Variants in SETBP1 observed in about 807,000 individuals in gnomAD.
SETBP1 encodes SET binding protein 1, also known as SET-binding protein.
SETBP1 carries 9 observed loss-of-function variants against 101.0 expected under a neutral mutation model. The ratio of observed to expected loss-of-function variants is 0.09; its 90% CI spans 0.05 to 0.16. The LOEUF (loss-of-function observed/expected upper bound fraction) is 0.16. SETBP1 is among the 10% of genes least tolerant of loss of function. The pLI is 1.00. For missense variants in SETBP1, 1,858 were observed against 2,033.8 expected, an observed-to-expected ratio of 0.91 and a Z score of 1.66; for synonymous variants, 818 against 788.5, an observed-to-expected ratio of 1.04 and a Z score of -0.63.
rs145656108 is a variant in SETBP1 at position 44,950,996 on chromosome 18, T to G, written c.1656T>G (p.Asp552Glu). 4 of 1,614,094 alleles carry G rather than the reference T, an allele frequency of 2.5e-6. No individual in the cohort carries two copies. Among genetic ancestry groups the G allele is most frequent in the Non-Finnish European group, 1.7e-6 (2 of 1,180,036 alleles). ...MLREAVMATS[D>E]KLMLEPPSAY... ...GAGAGGCAGTTATGGCCACCTCTGA[T>G]AAACTGATGCTGGAGCCCCCGTCTG... The change falls in exon 4 of 6, where the codon GAT becomes GAG. Residue 552 changes from aspartate to glutamate, a missense_variant. By Grantham distance (45) the Asp-to-Glu change is conservative (BLOSUM62 2). Coordinates refer to ENST00000649279, the MANE Select transcript of SETBP1 (RefSeq NM_015559.3).
intron 2 of SETBP1, among the ~76,000 whole-genome samples, chr18:44,829,916 G>A (rs566982766): frequency 6.6e-6 from 1 of 152,224 alleles, no homozygotes; most frequent in East Asian, 1.9e-4. Flanking sequence ...AGACTTGATG[G>A]GTTCTAAATA....
chr18:44,858,950 G>A (rs1175441544), intron 2 of SETBP1, among the ~76,000 whole-genome samples: 4 of 151,580 alleles, frequency 2.6e-5, no homozygotes, highest in African/African-American at 9.7e-5. Flanking sequence ...TCCCATTATT[G>A]GTTACCATCT....
At chr18:44,706,008 G>T (rs573066658) in intron 2 of SETBP1, among the ~76,000 whole-genome samples, 1 of 152,256 alleles carries the variant, frequency 6.6e-6, no homozygotes, top group South Asian at 2.1e-4. Context: ...GAGGGCCTAT[G>T]ATGGATTTAC....
At chr18:44,740,945 CGGAAATAT>C (rs1202812657) in intron 2 of SETBP1, among the ~76,000 whole-genome samples, 4 of 152,078 alleles carry the variant, frequency 2.6e-5, no homozygotes, top group Non-Finnish European at 5.9e-5. Context: ...TCAGTTCTCT[CGGAAATAT>C]GGAGGCCTGC....
chr18:44,761,913 T>G (rs1187542537), intron 2 of SETBP1, among the ~76,000 whole-genome samples: 1 of 152,206 alleles, frequency 6.6e-6, no homozygotes, highest in Non-Finnish European at 1.5e-5. Flanking sequence ...GACTCAGGCC[T>G]TCTGACTCCT....
Position 44,786,333 on chromosome 18 carries a change from T to C in SETBP1, c.487-82897T>C, listed in dbSNP as rs752536397. On this transcript the variant is annotated intron_variant, in intron 2 of 5. Coordinates refer to ENST00000649279, the MANE Select transcript of SETBP1 (RefSeq NM_015559.3). ...CACCCCAGGCTTTTTGGTTTAATATTGACAACAGCCCAGATTTAGTCCTAA... is the reference window on the plus strand; with the variant it reads ...CACCCCAGGCTTTTTGGTTTAATATCGACAACAGCCCAGATTTAGTCCTAA... 2.4e-4 allele frequency among the ~76,000 whole-genome samples: 36 copies of C among 152,334 alleles called. 1 individual carries two copies. The highest frequency in any genetic ancestry group is 4.4e-4 in the Non-Finnish European group (30 of 68,034).
At chr18:44,792,879 C>T (rs2071397314) in intron 2 of SETBP1, among the ~76,000 whole-genome samples, 2 of 152,008 alleles carry the variant, frequency 1.3e-5, no homozygotes, top group Non-Finnish European at 2.9e-5. Flanking sequence ...AAAAGTTTAT[C>T]CCAGGGAAGC....
At chr18:44,724,555 A>T (rs1250843429) in intron 2 of SETBP1, among the ~76,000 whole-genome samples, 1 of 152,184 alleles carries the variant, frequency 6.6e-6, no homozygotes, top group African/African-American at 2.4e-5. Context: ...CAGATAAGCA[A>T]ATCTCAGAAG....
chr18:45,045,119 T>C (rs2073584219), intron 5 of SETBP1, among the ~76,000 whole-genome samples: 1 of 141,400 alleles, frequency 7.1e-6, no homozygotes, highest in African/African-American at 2.6e-5. Context: ...CCGTCTTTAC[T>C]AAAAAAAAAA....
At position 44,951,890 on chromosome 18, in the gene SETBP1, A is replaced by T; in HGVS notation, c.2550A>T (p.Glu850Asp). The change falls in exon 4 of 6, where the codon GAA becomes GAT. Residue 850 changes from glutamate (E) to aspartate (D), a missense_variant. Transcript: ENST00000649279. The surrounding 1 kb of genome is among the most constrained non-coding windows in gnomAD (Gnocchi z 7.8). ...SHLCEIGSLK[E>D]ITLSPVSESH... ...TGTGCGAGATTGGCTCCCTAAAGGA[A>T]ATCACGCTGTCCCCTGTGAGCGAGT... 1 of 1,614,024 alleles carries T rather than the reference A, an allele frequency of 6.2e-7. No homozygotes were observed. Among genetic ancestry groups the T allele is most frequent in the Non-Finnish European group, 8.5e-7 (1 of 1,180,016 alleles).
chr18:44,801,625 C>T (rs186197793), intron 2 of SETBP1, among the ~76,000 whole-genome samples: 5 of 152,134 alleles, frequency 3.3e-5, no homozygotes, highest in Non-Finnish European at 7.4e-5. Flanking sequence ...TGTTTCTCAA[C>T]ATTGGGACCA....
At chr18:44,737,054 A>G (rs543383865) in intron 2 of SETBP1, among the ~76,000 whole-genome samples, 3 of 152,354 alleles carry the variant, frequency 2.0e-5, no homozygotes, top group East Asian at 3.9e-4. Flanking sequence ...AAAAGAATAA[A>G]TGATGAATGA....
chr18:44,938,712 G>T (rs1000918054), intron 3 of SETBP1, among the ~76,000 whole-genome samples: 1 of 152,184 alleles, frequency 6.6e-6, no homozygotes, highest in African/African-American at 2.4e-5. Context: ...TTTCTCCCTG[G>T]TGGCCCAGGT....
At chr18:44,696,240 A>G (rs2069015914) in intron 1 of SETBP1, among the ~76,000 whole-genome samples, 1 of 152,220 alleles carries the variant, frequency 6.6e-6, no homozygotes, top group Non-Finnish European at 1.5e-5. Flanking sequence ...GAGACTCACA[A>G]TACTGCTGTA....
chr18:44,751,808 G>A (rs1440635514), intron 2 of SETBP1, among the ~76,000 whole-genome samples: 1 of 152,138 alleles, frequency 6.6e-6, no homozygotes, highest in Non-Finnish European at 1.5e-5. Flanking sequence ...TTAAAAAATA[G>A]ACATAAATTT....
chr18:44,765,937 A>G (rs548230260), intron 2 of SETBP1, among the ~76,000 whole-genome samples: 3 of 152,374 alleles, frequency 2.0e-5, no homozygotes, highest in African/African-American at 7.2e-5. Flanking sequence ...AATAGTAATT[A>G]GAGTTATACT....
intron 1 of SETBP1, among the ~76,000 whole-genome samples, chr18:44,691,848 C>G (rs936500393): frequency 2.6e-5 from 4 of 152,170 alleles, no homozygotes; most frequent in African/African-American, 9.7e-5. Context: ...CAGGGTTGAA[C>G]TCATGTTCTC....
chr18:44,821,206 CCTT>C (rs1183923267), intron 2 of SETBP1, among the ~76,000 whole-genome samples: 1 of 152,174 alleles, frequency 6.6e-6, no homozygotes, highest in Non-Finnish European at 1.5e-5. Flanking sequence ...GACGTTAACT[CCTT>C]CTCTGCCCAC....
At chr18:44,852,249 A>G (rs897379674) in intron 2 of SETBP1, among the ~76,000 whole-genome samples, 7 of 152,194 alleles carry the variant, frequency 4.6e-5, no homozygotes, top group Admixed American at 3.9e-4. Flanking sequence ...GATCAGAGAC[A>G]CAGAGGAAAC....
Sources: gnomAD v4.1 joint callset for allele counts (sites outside exome capture counted in the v4.1 genomes callset) on GRCh38, gnomAD v4.1.1 for gene constraint, Gnocchi (gnomAD v3.1) non-coding constraint, MANE v1.5 for transcripts, NCBI Gene and HGNC (gene_info 2026-07-23, HGNC 2026-07-21) for gene names.